The following RAB3C variants were observed in gnomAD, a reference collection of about 807,000 sequenced individuals.
RAB3C encodes RAB3C, member RAS oncogene family, also known as ras-related protein Rab-3C.
RAB3C carries 17 observed loss-of-function variants against 26.4 expected under a neutral mutation model. That is an observed-to-expected ratio of 0.64 (90% CI 0.44 to 0.97). The LOEUF (loss-of-function observed/expected upper bound fraction) is 0.97. RAB3C is among the 50% of genes least tolerant of loss of function. RAB3C has a pLI of 0.00. For missense variants in RAB3C, 242 were observed against 281.9 expected, an observed-to-expected ratio of 0.86 and a Z score of 1.01; for synonymous variants, 91 against 95.9, an observed-to-expected ratio of 0.95 and a Z score of 0.30.
intron 2 of RAB3C, among the ~76,000 whole-genome samples, chr5:58,638,726 C>T (rs576606172): frequency 6.6e-6 from 1 of 152,140 alleles, no homozygotes; most frequent in African/African-American, 2.4e-5. Flanking sequence ...GGGCACTGAA[C>T]GTATGCAAGC....
chr5:58,609,235 T>A (rs551156099), intron 1 of RAB3C, among the ~76,000 whole-genome samples: 72 of 152,138 alleles, frequency 4.7e-4, no homozygotes, highest in Non-Finnish European at 9.3e-4. Flanking sequence ...GGATGCTCAG[T>A]GTGGACCAGT....
intron 2 of RAB3C, among the ~76,000 whole-genome samples, chr5:58,632,326 C>T (rs1747200400): frequency 6.6e-6 from 1 of 152,208 alleles, no homozygotes; most frequent in African/African-American, 2.4e-5. Flanking sequence ...GAGTCAGTCC[C>T]TTGTCGGAAT....
intron 1 of RAB3C, among the ~76,000 whole-genome samples, chr5:58,586,276 C>A (rs1746006212): frequency 6.6e-6 from 1 of 152,026 alleles, no homozygotes; most frequent in Non-Finnish European, 1.5e-5. Flanking sequence ...CTTATTAAGA[C>A]TAAATAACTT....
At chr5:58,785,343 T>C (rs2112007013) in intron 3 of RAB3C, among the ~76,000 whole-genome samples, 1 of 152,340 alleles carries the variant, frequency 6.6e-6, no homozygotes. Flanking sequence ...AATTATAATG[T>C]GCAGGACAGA....
intron 3 of RAB3C, among the ~76,000 whole-genome samples, chr5:58,763,200 A>G: frequency 6.6e-6 from 1 of 152,218 alleles, no homozygotes. Context: ...TATACTATAT[A>G]TGATGCATGG....
chr5:58,840,813 T>C (rs1012658284), intron 4 of RAB3C, among the ~76,000 whole-genome samples: 1 of 152,178 alleles, frequency 6.6e-6, no homozygotes, highest in African/African-American at 2.4e-5. Flanking sequence ...TGCTGGGCTG[T>C]TTCTCAGGTT....
chr5:58,656,308 A>C (rs2111797080), intron 2 of RAB3C, among the ~76,000 whole-genome samples: 1 of 152,324 alleles, frequency 6.6e-6, no homozygotes, highest in South Asian at 2.1e-4. Context: ...CAGCATGGTG[A>C]CTATAACTAA....
At chr5:58,769,616 G>A (rs1048932181) in intron 3 of RAB3C, among the ~76,000 whole-genome samples, 4 of 152,152 alleles carry the variant, frequency 2.6e-5, no homozygotes, top group African/African-American at 4.8e-5. Context: ...GTCTTTTAGT[G>A]TATAATTTTA....
intron 2 of RAB3C, among the ~76,000 whole-genome samples, chr5:58,644,089 G>A (rs1747468416): frequency 6.6e-6 from 1 of 152,170 alleles, no homozygotes; most frequent in Admixed American, 6.5e-5. Context: ...CCAAAGTGCT[G>A]AATTACAGGC....
intron 2 of RAB3C, among the ~76,000 whole-genome samples, chr5:58,696,168 C>T (rs531553688): frequency 6.6e-6 from 1 of 152,280 alleles, no homozygotes; most frequent in East Asian, 1.9e-4. Context: ...TCTTCTGCAT[C>T]TATTGAGATA....
chr5:58,665,911 C>T (rs1027857795), intron 2 of RAB3C, among the ~76,000 whole-genome samples: 1 of 152,120 alleles, frequency 6.6e-6, no homozygotes, highest in Non-Finnish European at 1.5e-5. Flanking sequence ...GAATACTACA[C>T]TTCTACAAAT....
chr5:58,589,108 G>A (rs761130922), intron 1 of RAB3C, among the ~76,000 whole-genome samples: 14 of 151,904 alleles, frequency 9.2e-5, no homozygotes, highest in African/African-American at 2.4e-5. Flanking sequence ...TTGATTTCTC[G>A]GTTGATGAGA....
intron 3 of RAB3C, among the ~76,000 whole-genome samples, chr5:58,791,554 T>C (rs1483303685): frequency 6.6e-6 from 1 of 152,186 alleles, no homozygotes; most frequent in East Asian, 1.9e-4. Flanking sequence ...TAAGAGGAGA[T>C]ATAAAATAAA....
chr5:58,834,748 T>C (rs1335224550), intron 4 of RAB3C, among the ~76,000 whole-genome samples: 3 of 152,184 alleles, frequency 2.0e-5, no homozygotes, highest in African/African-American at 7.2e-5. Flanking sequence ...TAAACCAACA[T>C]TGTACATTTT....
chr5:58,792,846 A>T (rs1033035946), intron 3 of RAB3C, among the ~76,000 whole-genome samples: 2 of 152,008 alleles, frequency 1.3e-5, no homozygotes, highest in African/African-American at 4.8e-5. Context: ...AAAGATTTAT[A>T]TATATATAAT....
intron 3 of RAB3C, among the ~76,000 whole-genome samples, chr5:58,797,312 AC>A (rs1294873822): frequency 1.4e-5 from 2 of 142,374 alleles, no homozygotes; most frequent in African/African-American, 5.3e-5. Context: ...TGAATTCAGC[AC>A]CAAGGATATC....
chr5:58,817,488 C>T (rs941977208), intron 3 of RAB3C, among the ~76,000 whole-genome samples: 2 of 152,048 alleles, frequency 1.3e-5, no homozygotes, highest in Non-Finnish European at 2.9e-5. Context: ...ACTAATCAGA[C>T]TTTATTATGT....
At chr5:58,758,414 T>C (rs1336992854) in intron 3 of RAB3C, among the ~76,000 whole-genome samples, 1 of 152,212 alleles carries the variant, frequency 6.6e-6, no homozygotes, top group South Asian at 2.1e-4. Flanking sequence ...GCAAAACAGA[T>C]GTAACCTGTT....
intron 3 of RAB3C, among the ~76,000 whole-genome samples, chr5:58,796,483 T>C (rs1742651535): frequency 6.6e-6 from 1 of 152,012 alleles, no homozygotes; most frequent in Non-Finnish European, 1.5e-5. Flanking sequence ...ACCTGACAGA[T>C]AGAAGGTATA....
Sources: gnomAD v4.1 joint callset for allele counts (sites outside exome capture counted in the v4.1 genomes callset) on GRCh38, gnomAD v4.1.1 for gene constraint, MANE v1.5 for transcripts, NCBI Gene and HGNC (gene_info 2026-07-23, HGNC 2026-07-21) for gene names.